Variants in F13B observed in about 807,000 individuals in gnomAD.
The protein encoded by F13B is coagulation factor XIII B chain, also known as TGase.
A neutral mutation model predicts 79.8 loss-of-function variants in F13B; 58 were observed. The ratio of observed to expected loss-of-function variants is 0.73; its 90% confidence interval spans 0.59 to 0.90. The LOEUF (loss-of-function observed/expected upper bound fraction) is 0.90. Ranked by LOEUF, F13B falls within the 40% of genes least tolerant of loss-of-function variation. The pLI is 0.00. For synonymous variants in F13B, 283 were observed against 260.3 expected (o/e 1.09, Z -0.84); for missense variants, 773 against 777.0 (o/e 0.99, Z 0.06).
chr1:197,062,740 G>C (rs1655907715), intron 2 of F13B, 117 bp downstream of exon 2: 27 of 886,612 alleles, frequency 3.0e-5, no homozygotes, highest in Middle Eastern at 2.8e-4. Context: ...GATTGCTAGT[G>C]ATTTTGTTCT....
intron 1 of F13B, among the ~76,000 whole-genome samples, chr1:197,065,789 G>T (rs902275623): frequency 1.3e-5 from 2 of 152,142 alleles, no homozygotes; most frequent in Admixed American, 1.3e-4. Flanking sequence ...ATTGTAGTAG[G>T]TCCCAGGGGA....
intron 8 of F13B, among the ~76,000 whole-genome samples, chr1:197,055,163 G>A (rs755221386): frequency 6.6e-6 from 1 of 151,958 alleles, no homozygotes; most frequent in African/African-American, 2.4e-5. Context: ...GTGCTTGTGT[G>A]TGTAAAACAT....
At chr1:197,058,575 C>T (rs879881740) in intron 5 of F13B, among the ~76,000 whole-genome samples, 1 of 152,146 alleles carries the variant, frequency 6.6e-6, no homozygotes, top group African/African-American at 2.4e-5. Flanking sequence ...CAACCTGTGG[C>T]TTCCATTGTC....
intron 5 of F13B, among the ~76,000 whole-genome samples, chr1:197,059,229 A>T (rs977386713): frequency 1.3e-5 from 2 of 152,306 alleles, no homozygotes; most frequent in Middle Eastern, 3.4e-3. Context: ...AAAATAAAAA[A>T]TAAATAAGGA....
At chr1:197,053,982 G>A (rs1369231109) in intron 8 of F13B, among the ~76,000 whole-genome samples, 1 of 152,016 alleles carries the variant, frequency 6.6e-6, no homozygotes, top group African/African-American at 2.4e-5. Flanking sequence ...AGGTTAGAGA[G>A]ACTCTTAATG....
rs1281463030 is a variant in F13B at position 197,038,756 on chromosome 1, T to C, written c.*622A>G. Reference sequence around the variant, plus strand: ...TTAAATAAAATTCCAAGGGTCATTCTTTCTTTAATTGTGTCTCTTTAACAA... The same window carrying C: ...TTAAATAAAATTCCAAGGGTCATTCCTTCTTTAATTGTGTCTCTTTAACAA... On this transcript the variant is annotated 3_prime_UTR_variant, in exon 12 of 12. Transcript: ENST00000367412. Among the ~76,000 whole-genome samples, 1 of 145,506 alleles carries C rather than the reference T, an allele frequency of 6.9e-6. No individual in the cohort carries two copies. Among genetic ancestry groups the C allele is most frequent in the Non-Finnish European group, 1.5e-5 (1 of 65,036 alleles).
At chr1:197,058,465 T>G (rs1462472985) in intron 5 of F13B, among the ~76,000 whole-genome samples, 1 of 152,146 alleles carries the variant, frequency 6.6e-6, no homozygotes, top group Non-Finnish European at 1.5e-5. Flanking sequence ...AGAGCCACAT[T>G]CCTGCTGGAG....
At position 197,062,973 on chromosome 1, in the gene F13B, C is replaced by T. The variant is rs1274967585; in HGVS notation, c.149G>A (p.Ser50Asn). The change falls in exon 2 of 12, where the codon AGC becomes AAC. Residue 50 changes from serine (S) to asparagine (N), a missense_variant. By Grantham distance (46) the Ser-to-Asn change is conservative. Transcript: ENST00000367412. The stretch of plus-strand genomic sequence containing the variant: ...GAAAAATGACAATTTTTTGTCTATG[C>T]TCATTGGAAAGTAAAAGCTTTTAAA... ...YTFKSFYFPMSIDKKLSFFCL... is the reference protein window; with the variant it reads ...YTFKSFYFPMNIDKKLSFFCL... The T allele has an allele frequency of 6.2e-7, 1 of 1,613,570 alleles. No individual in the cohort carries two copies. Among genetic ancestry groups the T allele is most frequent in the Non-Finnish European group, 8.5e-7 (1 of 1,179,766 alleles).
At chr1:197,054,454 T>C (rs1655561520) in intron 8 of F13B, among the ~76,000 whole-genome samples, 1 of 151,944 alleles carries the variant, frequency 6.6e-6, no homozygotes, top group South Asian at 2.1e-4. Flanking sequence ...ACTTGAAAGG[T>C]GGAAACTACT....
At chr1:197,066,474 A>G (rs1656052735) in intron 1 of F13B, among the ~76,000 whole-genome samples, 1 of 152,106 alleles carries the variant, frequency 6.6e-6, no homozygotes, top group Non-Finnish European at 1.5e-5. Flanking sequence ...TTCCACTCGC[A>G]CACTAATCTT....
intron 1 of F13B, among the ~76,000 whole-genome samples, chr1:197,063,884 C>T (rs1449635684): frequency 6.6e-6 from 1 of 152,028 alleles, no homozygotes; most frequent in Non-Finnish European, 1.5e-5. Flanking sequence ...CTGATGGCCA[C>T]TGTATTGGAC....
intron 2 of F13B, among the ~76,000 whole-genome samples, chr1:197,062,537 T>C (rs925194321): frequency 6.6e-6 from 1 of 152,182 alleles, no homozygotes; most frequent in African/African-American, 2.4e-5. Context: ...TGGCATCTTA[T>C]GCTTAATTAT....
chr1:197,058,581 T>C lies in F13B; in HGVS notation c.806-1116A>G, dbSNP rs145088911. On this transcript the variant is annotated intron_variant, in intron 5 of 11. Coordinates refer to ENST00000367412, the MANE Select transcript of F13B (RefSeq NM_001994.3). ...AAAACATTTCAACCTGTGGCTTCCA[T>C]TGTCACATCTCCTGCTTCCTCTTCT... Among the ~76,000 whole-genome samples the C allele has an allele frequency of 3.7e-3, 559 of 152,274 alleles. 9 individuals carry two copies. Among genetic ancestry groups the C allele is most frequent in the Middle Eastern group, 0.017 (5 of 294 alleles).
At position 197,060,460 on chromosome 1, in the gene F13B, A is replaced by G; in HGVS notation, c.711T>C (p.Val237=). The G allele has an allele frequency of 6.2e-7, 1 of 1,609,594 alleles. No homozygotes were observed. The highest frequency in any genetic ancestry group is 8.5e-7 in the Non-Finnish European group (1 of 1,177,084). Residue 237 remains valine, a synonymous_variant, in exon 5 of 12, where the codon GTT becomes GTC. Transcript: ENST00000367412. ...VKQTYEEGDV[V]QFFCHENYYL... The stretch of plus-strand genomic sequence containing the variant: ...AATAATTTTCATGACAGAAAAACTG[A>G]ACGACATCTCCTTCTTCATAGGTTT...
intron 10 of F13B, among the ~76,000 whole-genome samples, chr1:197,042,300 G>A (rs969662255): frequency 2.0e-5 from 3 of 152,098 alleles, no homozygotes; most frequent in Non-Finnish European, 2.9e-5. Context: ...TATAATTTAC[G>A]ATGTCACTGT....
chr1:197,050,929 C>T, intron 9 of F13B, 50 bp from the exon 10 acceptor site: 1 of 1,454,538 alleles, frequency 6.9e-7, no homozygotes, highest in Non-Finnish European at 9.6e-7. Context: ...AATGAACATC[C>T]AGTACTTTAT....
chr1:197,057,105 A>G lies in F13B; in HGVS notation c.1079T>C (p.Val360Ala). ...HSKIYYNGDKVTYACKSGYLL... is the reference protein window; with the variant it reads ...HSKIYYNGDKATYACKSGYLL... ...GTAGCCGCTTTTACATGCATATGTC[A>G]CTTTATCCCCATTGTAATAAATCTT... The change falls in exon 7 of 12, where the codon GTG becomes GCG. Residue 360 changes from valine (V) to alanine (A), a missense_variant. Transcript: ENST00000367412. 1.9e-6 allele frequency: 3 copies of G among 1,613,866 alleles called. No individual in the cohort carries two copies. Among genetic ancestry groups the G allele is most frequent in the Non-Finnish European group, 2.5e-6 (3 of 1,179,904 alleles).
intron 1 of F13B, among the ~76,000 whole-genome samples, chr1:197,063,940 C>T (rs559112871): frequency 6.6e-6 from 1 of 152,110 alleles, no homozygotes; most frequent in South Asian, 2.1e-4. Flanking sequence ...CATATGCTAA[C>T]TCATAAAAAA....
intron 11 of F13B, 103 bp downstream of exon 11, chr1:197,040,419 A>G (rs1654992676): frequency 1.3e-6 from 1 of 747,484 alleles, no homozygotes; most frequent in South Asian, 1.7e-5. Context: ...TTTTCTTTGC[A>G]ATTGCCATAA....
Sources: allele counts gnomAD v4.1 joint callset (sites outside exome capture counted in the v4.1 genomes callset), GRCh38; gene constraint gnomAD v4.1.1; transcripts MANE v1.5; gene names NCBI Gene and HGNC (gene_info 2026-07-23, HGNC 2026-07-21).